Variants in TGFBR1 observed in about 807,000 individuals in gnomAD.
The protein encoded by TGFBR1 is transforming growth factor beta receptor 1.
A neutral mutation model predicts 55.1 loss-of-function variants in TGFBR1; 20 were observed. That is an observed-to-expected ratio of 0.36 (90% CI 0.26 to 0.53). The LOEUF is 0.53. Among genes scored for constraint, TGFBR1 ranks in the 20% least tolerant of loss-of-function variants. The pLI is 0.91. For synonymous variants in TGFBR1, 220 were observed against 214.8 expected, an observed-to-expected ratio of 1.02 and a Z score of -0.21; for missense variants, 385 against 617.6, an observed-to-expected ratio of 0.62 and a Z score of 3.99.
Position 99,150,698 on chromosome 9 carries a change from A to G in TGFBR1, c.*1393A>G, listed in dbSNP as rs1827958937. 4.7e-6 allele frequency: 1 copy of G among 210,944 alleles called. No homozygotes were observed. Among genetic ancestry groups the G allele is most frequent in the African/African-American group, 2.3e-5 (1 of 44,110 alleles). 13.1% of individuals were successfully genotyped at this position (210,944 alleles called of 1,614,324 possible). ...CATTGCAACTGCTTACATGTAATTT[A>G]TGTAATGCATTCAGTGCACCCTTGT... On this transcript the variant is annotated 3_prime_UTR_variant, in exon 9 of 9. Coordinates refer to ENST00000374994, the MANE Select transcript of TGFBR1 (RefSeq NM_004612.4).
chr9:99,128,979 A>C lies in TGFBR1; in HGVS notation c.222A>C (p.Glu74Asp), dbSNP rs201910738. The C allele has an allele frequency of 6.2e-6, 10 of 1,613,910 alleles. No individual in the cohort carries two copies. Among genetic ancestry groups the C allele is most frequent in the Non-Finnish European group, 8.5e-7 (1 of 1,179,970 alleles). Residue 74 changes from glutamate to aspartate, a missense_variant, in exon 2 of 9, where the codon GAA (glutamate) becomes GAC (aspartate). Glu to Asp is a conservative substitution (Grantham distance 45). This residue lies in a region of TGFBR1 where 146 missense variants were observed against 167.7 expected (regional missense o/e 0.87). Transcript: ENST00000374994. ...KVIHNSMCIAEIDLIPRDRPF... is the reference protein window; with the variant it reads ...KVIHNSMCIADIDLIPRDRPF... ...TACACAACAGCATGTGTATAGCTGA[A>C]ATTGACTTAATTCCTCGAGATAGGC...
intron 1 of TGFBR1, among the ~76,000 whole-genome samples, chr9:99,109,226 C>G (rs1300423996): frequency 2.6e-5 from 4 of 151,956 alleles, no homozygotes; most frequent in Non-Finnish European, 5.9e-5. Flanking sequence ...AGGAAAAGGT[C>G]AATTTTTTTT....
At chr9:99,122,340 C>T (rs754769568) in intron 1 of TGFBR1, among the ~76,000 whole-genome samples, 1 of 152,076 alleles carries the variant, frequency 6.6e-6, no homozygotes, top group Non-Finnish European at 1.5e-5. Flanking sequence ...TAATACTATA[C>T]ACAACTGTTT....
chr9:99,146,690 A>C (rs1373375464), intron 7 of TGFBR1, 81 bp downstream of exon 7: 1 of 1,590,568 alleles, frequency 6.3e-7, no homozygotes, highest in African/African-American at 1.3e-5. Flanking sequence ...AATTGAATGA[A>C]ATTATGTACA....
chr9:99,105,255 TGGCGGCGGC>T lies in TGFBR1; in HGVS notation c.70_78del (p.Ala24_Ala26del), dbSNP rs11466445. On this transcript the variant is annotated inframe_deletion, in exon 1 of 9. Coordinates refer to ENST00000374994, the MANE Select transcript of TGFBR1 (RefSeq NM_004612.4). ...CGTCCCCGGCTGCTCCTCCTCGTGC[TGGCGGCGGC>T]GGCGGCGGCGGCGGCGGCGCTGCTC... is the stretch of plus-strand genomic sequence containing the variant. The T allele has an allele frequency of 0.093, 96,811 of 1,043,304 alleles. 4,897 individuals carry two copies. Among genetic ancestry groups the T allele is most frequent in the Non-Finnish European group, 0.099 (86,572 of 872,248 alleles). 64.6% of individuals were successfully genotyped at this position (1,043,304 alleles called of 1,614,324 possible). A position where few individuals can be genotyped will look rare whatever the true frequency, so the allele number is the denominator to read the frequency against.
rs1016972320 is a variant in TGFBR1 at position 99,105,113 on chromosome 9, G to C, written c.-93G>C. The C allele has an allele frequency of 1.3e-4, 129 of 985,642 alleles. No homozygotes were observed. The African/African-American group carries it at 2.0e-3, about 16-fold the overall frequency. The allele number at this position is 985,642 out of a possible 1,614,324, so 61.1% of individuals were successfully genotyped here. The stretch of plus-strand genomic sequence containing the variant: ...CAAAGGGCCGGAGCGAGGCCGCCGC[G>C]GCGGCTAGGGAGGTGGGGCGAGGCG... On this transcript the variant is annotated 5_prime_UTR_variant, in exon 1 of 9. Transcript: ENST00000374994.
At chr9:99,131,542 T>C (rs1308126857) in intron 2 of TGFBR1, among the ~76,000 whole-genome samples, 2 of 151,960 alleles carry the variant, frequency 1.3e-5, no homozygotes, top group Admixed American at 1.3e-4. Context: ...AACCAGAAAA[T>C]CTTAATTATT....
At position 99,123,765 on chromosome 9, in the gene TGFBR1, A is replaced by G. The variant is rs190248841; in HGVS notation, c.98-5090A>G. Among the ~76,000 whole-genome samples the G allele has an allele frequency of 2.0e-4, 30 of 152,292 alleles. No homozygotes were observed. In the Middle Eastern group the frequency reaches 0.01, roughly 52 times the overall value. ...TGTGGTTCTGTTAGTCTGGGATTCTACAGTGGAATTTTGTCACTACTTTTG... is the reference window on the plus strand; with the variant it reads ...TGTGGTTCTGTTAGTCTGGGATTCTGCAGTGGAATTTTGTCACTACTTTTG... On this transcript the variant is annotated intron_variant, in intron 1 of 8. Transcript: ENST00000374994.
At chr9:99,134,818 A>ATATT (rs2118663436) in intron 3 of TGFBR1, among the ~76,000 whole-genome samples, 1 of 81,480 alleles carries the variant, frequency 1.2e-5, no homozygotes, top group South Asian at 3.6e-4. Flanking sequence ...ATATATATAT[A>ATATT]TATATATATA....
intron 6 of TGFBR1, among the ~76,000 whole-genome samples, chr9:99,145,171 G>A (rs1237512062): frequency 1.3e-5 from 2 of 152,152 alleles, no homozygotes; most frequent in African/African-American, 2.4e-5. Flanking sequence ...TGTGCCAATC[G>A]TCTAATAGGT....
At chr9:99,106,371 G>A (rs1304630245) in intron 1 of TGFBR1, among the ~76,000 whole-genome samples, 1 of 152,176 alleles carries the variant, frequency 6.6e-6, no homozygotes, top group Non-Finnish European at 1.5e-5. Context: ...CAGCCTCAGT[G>A]TTAGCAACTA....
Position 99,144,831 on chromosome 9 carries a change from A to G in TGFBR1, c.1073A>G (p.His358Arg). The change falls in exon 6 of 9, where the codon CAT becomes CGT. Residue 358 changes from histidine to arginine, a missense_variant. Physicochemically the swap from His to Arg is conservative, Grantham distance 29. Transcript: ENST00000374994. The stretch of plus-strand genomic sequence containing the variant: ...GCAGACTTAGGACTGGCAGTAAGAC[A>G]TGATTCAGCCACAGATACCATTGAT... ...CIADLGLAVR[H>R]DSATDTIDIA... is the part of the protein sequence containing the mutation. The G allele has an allele frequency of 6.2e-7, 1 of 1,614,084 alleles. No individual in the cohort carries two copies. The highest frequency in any genetic ancestry group is 8.5e-7 in the Non-Finnish European group (1 of 1,179,940).
At position 99,151,386 on chromosome 9, in the gene TGFBR1, GTTTTTTTTTTGTTT is replaced by G. The variant is rs1183282420; in HGVS notation, c.*2095_*2108del. On this transcript the variant is annotated 3_prime_UTR_variant, in exon 9 of 9. Coordinates refer to ENST00000374994, the MANE Select transcript of TGFBR1 (RefSeq NM_004612.4). ...GTGATCAGGTACTTTTTTTGTGGGG[GTTTTTTTTTTGTTT>G]TTTTTTTTTTGTTGTTGTTTTTGGG... 5.2e-6 allele frequency: 1 copy of G among 192,248 alleles called. No homozygotes were observed. 11.9% of individuals were successfully genotyped at this position (192,248 alleles called of 1,614,324 possible).
intron 3 of TGFBR1, among the ~76,000 whole-genome samples, chr9:99,135,003 C>T (rs1166876345): frequency 6.6e-6 from 1 of 151,700 alleles, no homozygotes; most frequent in Non-Finnish European, 1.5e-5. Flanking sequence ...GTTATTTCAT[C>T]TTTAAAATGA....
At chr9:99,120,465 T>C (rs957480335) in intron 1 of TGFBR1, among the ~76,000 whole-genome samples, 3 of 152,202 alleles carry the variant, frequency 2.0e-5, no homozygotes, top group African/African-American at 7.2e-5. Context: ...CCTCAACTCA[T>C]TGAAGTGGAA....
Position 99,145,360 on chromosome 9 carries a change from C to T in TGFBR1, c.1130+472C>T, listed in dbSNP as rs188971478. 1.5e-3 allele frequency among the ~76,000 whole-genome samples: 234 copies of T among 152,220 alleles called. 1 individual carries two copies. Among genetic ancestry groups the T allele is most frequent in the Non-Finnish European group, 2.4e-3 (164 of 68,002 alleles). On this transcript the variant is annotated intron_variant, in intron 6 of 8. Coordinates refer to ENST00000374994, the MANE Select transcript of TGFBR1 (RefSeq NM_004612.4). ...TTCTCAGCCTCATACCCACCTTTCC[C>T]GTAGGAAGTTTTTTCTAGTCCTCAA...
chr9:99,123,568 T>TA (rs1318396375), intron 1 of TGFBR1, among the ~76,000 whole-genome samples: 1 of 152,172 alleles, frequency 6.6e-6, no homozygotes, highest in African/African-American at 2.4e-5. Flanking sequence ...CTGGTGATAA[T>TA]ATAGTGAGGA....
intron 4 of TGFBR1, among the ~76,000 whole-genome samples, chr9:99,139,519 A>G (rs1003580362): frequency 6.6e-6 from 1 of 152,206 alleles, no homozygotes; most frequent in Non-Finnish European, 1.5e-5. Context: ...ACTGCCAATC[A>G]TAATTGATGT....
rs1324236977 is a variant in TGFBR1, at chr9:99,115,517, T to TGGA, written c.97+10219_97+10221dup. Among the ~76,000 whole-genome samples the TGGA allele has an allele frequency of 4.6e-5, 7 of 152,312 alleles. No individual in the cohort carries two copies. In the East Asian group the frequency reaches 1.3e-3, roughly 29 times the overall value. On this transcript the variant is annotated intron_variant, in intron 1 of 8. Coordinates refer to ENST00000374994, the MANE Select transcript of TGFBR1 (RefSeq NM_004612.4). ...TATAGATATTTGGGAGCACTGAACA[T>TGGA]GGAGGATAGAGTTAAACTTGAAAAG...
Sources: gnomAD v4.1 joint callset for allele counts (sites outside exome capture counted in the v4.1 genomes callset) on GRCh38, gnomAD v4.1.1 for gene constraint, gnomAD v4.1.1 regional missense constraint, MANE v1.5 for transcripts, NCBI Gene and HGNC (gene_info 2026-07-23, HGNC 2026-07-21) for gene names.